Variants in ARHGAP32 observed in about 807,000 individuals in gnomAD.
ARHGAP32 encodes Rho GTPase activating protein 32, also known as rho GTPase-activating protein 32.
In ARHGAP32, 51 loss-of-function variants were observed where a neutral mutation model predicts 186.5. That is an observed-to-expected ratio of 0.27 (90% confidence interval 0.22 to 0.35). The LOEUF is 0.35. Ranked by LOEUF, ARHGAP32 falls within the 10% of genes least tolerant of loss-of-function variation. The probability of loss-of-function intolerance (pLI) is 1.00; values close to 1 mark genes in which losing one functional copy is unlikely to be tolerated. For synonymous variants in ARHGAP32, 950 were observed against 964.3 expected (o/e 0.99, Z 0.27); for missense variants, 2,186 against 2,623.5 (o/e 0.83, Z 3.64).
At chr11:129,160,496 C>A (rs1437549665) in intron 2 of ARHGAP32, among the ~76,000 whole-genome samples, 1 of 152,006 alleles carries the variant, frequency 6.6e-6, no homozygotes, top group Non-Finnish European at 1.5e-5. Context: ...TGAACTCCCA[C>A]TCACAATGGC....
chr11:129,260,429 G>A (rs1446829176), intron 1 of ARHGAP32, among the ~76,000 whole-genome samples: 4 of 151,732 alleles, frequency 2.6e-5, no homozygotes, highest in African/African-American at 7.3e-5. Flanking sequence ...AATTTATTAC[G>A]GGCTTTCATA....
At chr11:129,249,683 A>C (rs933099855) in intron 1 of ARHGAP32, among the ~76,000 whole-genome samples, 2 of 152,222 alleles carry the variant, frequency 1.3e-5, no homozygotes, top group Non-Finnish European at 2.9e-5. Flanking sequence ...AAACTAGATC[A>C]AGTTTATTCA....
intron 1 of ARHGAP32, among the ~76,000 whole-genome samples, chr11:129,202,554 T>C (rs1051914280): frequency 6.6e-6 from 1 of 152,200 alleles, no homozygotes; most frequent in Non-Finnish European, 1.5e-5. Context: ...ATGTATGCGA[T>C]ATAAATAAGA....
At chr11:128,994,266 T>G (rs1362511312) in intron 12 of ARHGAP32, among the ~76,000 whole-genome samples, 1 of 152,098 alleles carries the variant, frequency 6.6e-6, no homozygotes, top group East Asian at 1.9e-4. Flanking sequence ...GCAATTCTCC[T>G]GCCTCAGCCT....
chr11:129,046,815 T>C (rs1030529535), intron 10 of ARHGAP32, among the ~76,000 whole-genome samples: 3 of 152,000 alleles, frequency 2.0e-5, no homozygotes, highest in Admixed American at 2.0e-4. Context: ...ATCATGTGCT[T>C]ATCGCTGACT....
At chr11:129,071,061 C>G (rs1360940991) in intron 6 of ARHGAP32, among the ~76,000 whole-genome samples, 1 of 151,930 alleles carries the variant, frequency 6.6e-6, no homozygotes, top group African/African-American at 2.4e-5. Context: ...CTTTTGAGAG[C>G]TGTAACCTAC....
chr11:129,085,823 C>T (rs186122053), intron 6 of ARHGAP32, among the ~76,000 whole-genome samples: 2 of 151,814 alleles, frequency 1.3e-5, no homozygotes, highest in South Asian at 2.1e-4. Context: ...GAAACCCTGT[C>T]GCTACTAAAA....
intron 6 of ARHGAP32, among the ~76,000 whole-genome samples, chr11:129,073,797 A>C (rs181884865): frequency 2.2e-4 from 33 of 152,102 alleles, no homozygotes; most frequent in Non-Finnish European, 4.1e-4. Context: ...AAAAACCTTC[A>C]GCAAATCCAA....
intron 1 of ARHGAP32, among the ~76,000 whole-genome samples, chr11:129,222,319 A>AGTTCAGACAGGTTAAGCAATAG (rs1390421911): frequency 8.5e-5 from 13 of 152,162 alleles, no homozygotes; most frequent in African/African-American, 3.1e-4. Flanking sequence ...TCAGTGTCCA[A>AGTTCAGACAGGTTAAGCAATAG]GTTCAGACAG....
chr11:129,169,411 C>A lies in ARHGAP32; in HGVS notation c.117-4984G>T, dbSNP rs533111469. ...CTTTGGGAGGCTGAGGCGGGTGGAT[C>A]ACGAGGTCAGGAGATCAAGACCATC... On this transcript the variant is annotated intron_variant, in intron 1 of 22. Coordinates refer to ENST00000682385, the MANE Select transcript of ARHGAP32 (RefSeq NM_001378024.1). Among the ~76,000 whole-genome samples, 12 of 152,046 alleles carry A rather than the reference C, an allele frequency of 7.9e-5. No homozygotes were observed. In the South Asian group the frequency reaches 1.9e-3, roughly 24 times the overall value.
intron 11 of ARHGAP32, among the ~76,000 whole-genome samples, chr11:129,030,106 G>T (rs941264914): frequency 6.6e-6 from 1 of 152,124 alleles, no homozygotes; most frequent in African/African-American, 2.4e-5. Flanking sequence ...TGCCTCTGAA[G>T]GTAGGGATTT....
chr11:129,080,303 C>A (rs111392504), intron 6 of ARHGAP32, among the ~76,000 whole-genome samples: 232 of 152,254 alleles, frequency 1.5e-3, no homozygotes, highest in African/African-American at 5.3e-3. Context: ...AATATACATT[C>A]TTTTCATCAG....
chr11:129,122,069 TAAG>T (rs1942545551), intron 5 of ARHGAP32, among the ~76,000 whole-genome samples: 1 of 152,140 alleles, frequency 6.6e-6, no homozygotes, highest in Non-Finnish European at 1.5e-5. Flanking sequence ...ATAAATTTCC[TAAG>T]AAGCAAAAAG....
intron 2 of ARHGAP32, among the ~76,000 whole-genome samples, chr11:129,157,767 A>G (rs557675695): frequency 2.6e-5 from 4 of 152,158 alleles, no homozygotes; most frequent in Non-Finnish European, 5.9e-5. Context: ...CAACCCCAAG[A>G]CACATAATTG....
At chr11:129,065,364 G>T (rs1231639657) in intron 7 of ARHGAP32, among the ~76,000 whole-genome samples, 1 of 151,988 alleles carries the variant, frequency 6.6e-6, no homozygotes, top group African/African-American at 2.4e-5. Flanking sequence ...CTATACCATG[G>T]TTCAGCCGAT....
At position 128,969,640 on chromosome 11, in the gene ARHGAP32, C is replaced by A. The variant is rs760104934; in HGVS notation, c.5573G>T (p.Gly1858Val). ...AEMDRAHHHG[G>V]HGSTQPEKPS... ...CTTCTCCGGCTGCGTGCTACCATGG[C>A]CTCCGTGATGGTGGGCTCTGTCCAT... The change falls in exon 23 of 23, where the codon GGC becomes GTC. Residue 1858 changes from glycine to valine, a missense_variant. Physicochemically the swap from Gly to Val is moderately radical, Grantham distance 109 (BLOSUM62 -3). Transcript: ENST00000682385. This position sits in a 1 kb window ranked among gnomAD's most constrained non-coding sequence, Gnocchi z 4.8. The A allele has an allele frequency of 1.2e-6, 2 of 1,613,992 alleles. No individual in the cohort carries two copies. The highest frequency in any genetic ancestry group is 3.3e-5 in the Admixed American group (2 of 60,006).
At chr11:129,233,070 T>C (rs1404726267) in intron 1 of ARHGAP32, among the ~76,000 whole-genome samples, 1 of 152,184 alleles carries the variant, frequency 6.6e-6, no homozygotes, top group African/African-American at 2.4e-5. Flanking sequence ...TATTTATTTT[T>C]ACTGGAGTAT....
chr11:129,135,800 A>G (rs1591642788), intron 2 of ARHGAP32, among the ~76,000 whole-genome samples: 4 of 152,244 alleles, frequency 2.6e-5, no homozygotes. Context: ...ATGTTGACCC[A>G]AACCTCACAT....
intron 12 of ARHGAP32, among the ~76,000 whole-genome samples, chr11:128,989,331 C>T (rs149304392): frequency 2.1e-3 from 326 of 152,128 alleles, no homozygotes; most frequent in Non-Finnish European, 3.1e-3. Flanking sequence ...ACAATGCATA[C>T]TCTCTGATTT....
Sources: allele counts gnomAD v4.1 joint callset (sites outside exome capture counted in the v4.1 genomes callset), GRCh38; gene constraint gnomAD v4.1.1; non-coding constraint Gnocchi (gnomAD v3.1); transcripts MANE v1.5; gene names NCBI Gene and HGNC (gene_info 2026-07-23, HGNC 2026-07-21).